PCDHGA1: variants seen among roughly 807,000 people sequenced by gnomAD.
PCDHGA1 encodes protocadherin gamma subfamily A, 1.
In PCDHGA1, 32 loss-of-function variants were observed where a neutral mutation model predicts 58.0. The ratio of observed to expected loss-of-function variants is 0.55; its 90% CI spans 0.42 to 0.74. The LOEUF (loss-of-function observed/expected upper bound fraction) is 0.74, where lower values mean the gene tolerates loss of function less well. PCDHGA1 is among the 30% of genes least tolerant of loss of function. The pLI is 0.00. For synonymous variants in PCDHGA1, 498 were observed against 501.1 expected (o/e 0.99, Z 0.08); for missense variants, 1,205 against 1,182.3 (o/e 1.02, Z -0.28).
At chr5:141,423,160 G>A (rs1272708122) in intron 1 of PCDHGA1, 16 of 1,613,046 alleles carry the variant, frequency 9.9e-6, no homozygotes, top group Non-Finnish European at 1.2e-5. Flanking sequence ...GAGCCTCGTG[G>A]TGGCCGTCCA....
chr5:141,415,740 GTTTTTTTTTTTTTT>G (rs57426385), intron 1 of PCDHGA1: 52 of 625,016 alleles, frequency 8.3e-5, no homozygotes, highest in East Asian at 4.1e-4. Context: ...GTTTATTAAG[GTTTTTTTTTTTTTT>G]TTTTTTTTTT....
At chr5:141,393,189 A>G (rs1561640968) in intron 1 of PCDHGA1, 1 of 1,613,404 alleles carries the variant, frequency 6.2e-7, no homozygotes, top group Admixed American at 1.7e-5. Context: ...AATAATTGAT[A>G]TTAACGATAA....
At chr5:141,447,370 C>A (rs2098536615) in intron 1 of PCDHGA1, among the ~76,000 whole-genome samples, 1 of 151,612 alleles carries the variant, frequency 6.6e-6, no homozygotes, top group African/African-American at 2.4e-5. Context: ...AACTCCTGAC[C>A]CTGGTGATCT....
chr5:141,405,016 C>G (rs538744733), intron 1 of PCDHGA1: 1 of 1,613,888 alleles, frequency 6.2e-7, no homozygotes. Flanking sequence ...AGGCCTCAGA[C>G]CTTACCCTCT....
intron 1 of PCDHGA1, among the ~76,000 whole-genome samples, chr5:141,402,221 G>A (rs567791316): frequency 1.3e-5 from 2 of 151,942 alleles, no homozygotes; most frequent in Admixed American, 6.5e-5. Context: ...TAAAATAAAC[G>A]TTTTTCCAGG....
chr5:141,360,994 C>A lies in PCDHGA1; in HGVS notation c.2421+27889C>A, dbSNP rs367799961. 3.1e-6 allele frequency: 5 copies of A among 1,613,358 alleles called. No individual in the cohort carries two copies. In the African/African-American group the frequency reaches 4.0e-5, roughly 13 times the overall value. On this transcript the variant is annotated intron_variant, in intron 1 of 3. Coordinates refer to ENST00000517417, the MANE Select transcript of PCDHGA1 (RefSeq NM_018912.3). ...CTACTCCTTTCATAATGTGGACGAA[C>A]AAGTGAAACACTTTTTCAACTTAAA... is the stretch of plus-strand genomic sequence containing the variant.
Position 141,399,846 on chromosome 5 carries a change from G to T in PCDHGA1, c.2421+66741G>T, listed in dbSNP as rs377634920. 19 of 1,612,980 alleles carry T rather than the reference G, an allele frequency of 1.2e-5. No homozygotes were observed. The highest frequency in any genetic ancestry group is 5.3e-5 in the African/African-American group (4 of 75,050). On this transcript the variant is annotated intron_variant, in intron 1 of 3. Transcript: ENST00000517417. ...CCGACGGCTCTGCGCTCTTCGATAT[G>T]GTGCCGCGCGCTGCAGAGCCCGGCT...
chr5:141,389,771 C>G, intron 1 of PCDHGA1: 1 of 1,613,206 alleles, frequency 6.2e-7, no homozygotes, highest in Non-Finnish European at 8.5e-7. Context: ...CAGCGCGTGC[C>G]TTAGGCGACA....
chr5:141,439,186 C>T (rs2098094521), intron 1 of PCDHGA1, among the ~76,000 whole-genome samples: 1 of 141,808 alleles, frequency 7.1e-6, no homozygotes, highest in Admixed American at 7.0e-5. Flanking sequence ...TAGTGAGACT[C>T]TGACAAAAAA....
At chr5:141,419,901 C>A (rs2096446114) in intron 1 of PCDHGA1, 5 of 1,614,108 alleles carry the variant, frequency 3.1e-6, no homozygotes, top group Non-Finnish European at 4.2e-6. Flanking sequence ...CATCCCACAC[C>A]CTCTGACTCC....
chr5:141,477,857 C>T lies in PCDHGA1; in HGVS notation c.2422-16950C>T. ...AGGTGGGAGCTCGGTGGAGATGCTG[C>T]CTCGAGGTACCTCAGCTGGCCACCT... On this transcript the variant is annotated intron_variant, in intron 1 of 3. Transcript: ENST00000517417. The surrounding 1 kb of genome is among the most constrained non-coding windows in gnomAD (Gnocchi z 4.9). The T allele has an allele frequency of 6.2e-7, 1 of 1,613,574 alleles. No individual in the cohort carries two copies. The highest frequency in any genetic ancestry group is 8.5e-7 in the Non-Finnish European group (1 of 1,179,836).
chr5:141,479,838 C>T (rs539142918), intron 1 of PCDHGA1, among the ~76,000 whole-genome samples: 1 of 152,298 alleles, frequency 6.6e-6, no homozygotes, highest in African/African-American at 2.4e-5. Context: ...GGTATCCATG[C>T]AAGGTGACTG....
intron 1 of PCDHGA1, chr5:141,352,529 G>A: frequency 1.2e-6 from 2 of 1,613,988 alleles, no homozygotes; most frequent in Non-Finnish European, 8.5e-7. Flanking sequence ...CTCTCATTCT[G>A]CAAAGACAGA....
intron 1 of PCDHGA1, chr5:141,345,075 A>G (rs903525179): frequency 6.2e-7 from 1 of 1,614,028 alleles, no homozygotes; most frequent in Non-Finnish European, 8.5e-7. Context: ...TCCAGAAATT[A>G]CAATCACGTC....
chr5:141,360,551 A>G, intron 1 of PCDHGA1: 5 of 1,613,988 alleles, frequency 3.1e-6, no homozygotes, highest in Non-Finnish European at 4.2e-6. Context: ...ACTAAGATTA[A>G]TTTAAAAATT....
chr5:141,464,524 T>C (rs2099086175), intron 1 of PCDHGA1, among the ~76,000 whole-genome samples: 1 of 152,094 alleles, frequency 6.6e-6, no homozygotes, highest in Non-Finnish European at 1.5e-5. Context: ...AAGGCATATG[T>C]AGTTTTGTTA....
At position 141,498,971 on chromosome 5, in the gene PCDHGA1, G is replaced by GGGAAGGAAGGAA. The variant is rs201769957; in HGVS notation, c.2480+4152_2480+4163dup. On this transcript the variant is annotated intron_variant, in intron 2 of 3. Coordinates refer to ENST00000517417, the MANE Select transcript of PCDHGA1 (RefSeq NM_018912.3). ...AAAAAGAGAGAGAGGGAGGGAGGGA[G>GGGAAGGAAGGAA]GGAAGGAAGGAAGGAAGGAAGGAAG... 6.8e-3 allele frequency among the ~76,000 whole-genome samples: 758 copies of GGGAAGGAAGGAA among 111,036 alleles called. 12 individuals are homozygous for GGGAAGGAAGGAA. Among genetic ancestry groups the GGGAAGGAAGGAA allele is most frequent in the African/African-American group, 0.021 (585 of 27,816 alleles). 72.8% of individuals were successfully genotyped at this position (111,036 alleles called of 152,430 possible). A position where few individuals can be genotyped will look rare whatever the true frequency, so the allele number is the denominator to read the frequency against.
chr5:141,422,066 A>G, intron 1 of PCDHGA1: 1 of 1,612,154 alleles, frequency 6.2e-7, no homozygotes. Context: ...GAAGTAATGT[A>G]TTCATTTCGG....
At chr5:141,380,342 T>C (rs1288076589) in intron 1 of PCDHGA1, among the ~76,000 whole-genome samples, 1 of 152,198 alleles carries the variant, frequency 6.6e-6, no homozygotes, top group Admixed American at 6.5e-5. Context: ...CAAAGAACTG[T>C]TTTGTTGTTT....
Sources: allele counts gnomAD v4.1 joint callset (sites outside exome capture counted in the v4.1 genomes callset), GRCh38; gene constraint gnomAD v4.1.1; non-coding constraint Gnocchi (gnomAD v3.1); transcripts MANE v1.5; gene names NCBI Gene and HGNC (gene_info 2026-07-23, HGNC 2026-07-21).